GALNTL6: variants seen among roughly 807,000 people sequenced by gnomAD.
The protein encoded by GALNTL6 is polypeptide N-acetylgalactosaminyltransferase-like 6.
GALNTL6 carries 46 observed loss-of-function variants against 73.7 expected under a neutral mutation model. That is an observed-to-expected ratio of 0.62 (90% CI 0.49 to 0.80). The LOEUF is 0.80. Among genes scored for constraint, GALNTL6 ranks in the 30% least tolerant of loss-of-function variants. The probability of loss-of-function intolerance (pLI) is 0.00; values close to 1 mark genes in which losing one functional copy is unlikely to be tolerated. For missense variants in GALNTL6, 604 were observed against 755.0 expected (o/e 0.80, Z 2.34); for synonymous variants, 259 against 263.7 (o/e 0.98, Z 0.17).
At chr4:172,532,260 C>T (rs190551809) in intron 5 of GALNTL6, among the ~76,000 whole-genome samples, 1 of 152,206 alleles carries the variant, frequency 6.6e-6, no homozygotes, top group African/African-American at 2.4e-5. Flanking sequence ...GGACTGGTAT[C>T]CTTATAAGAA....
intron 10 of GALNTL6, among the ~76,000 whole-genome samples, chr4:172,963,786 C>G (rs1048990361): frequency 6.6e-6 from 1 of 152,224 alleles, no homozygotes; most frequent in African/African-American, 2.4e-5. Flanking sequence ...ACAGTCGGGT[C>G]TGTGGTCCAT....
chr4:172,173,405 C>T (rs1277654059), intron 2 of GALNTL6, among the ~76,000 whole-genome samples: 3 of 152,182 alleles, frequency 2.0e-5, no homozygotes, highest in African/African-American at 7.2e-5. Context: ...CTGTGGATTC[C>T]TCTGGGAAAA....
intron 10 of GALNTL6, among the ~76,000 whole-genome samples, chr4:173,002,395 A>C (rs4635797): frequency 0.58 from 88,316 of 151,816 alleles, 27,147 homozygotes; most frequent in South Asian, 0.76. Context: ...TCTCAAGAAA[A>C]AGTAAATAAA....
At chr4:172,693,493 T>C (rs929491504) in intron 5 of GALNTL6, among the ~76,000 whole-genome samples, 2 of 152,196 alleles carry the variant, frequency 1.3e-5, no homozygotes, top group African/African-American at 2.4e-5. Context: ...CATCAATATA[T>C]TCACAACATT....
chr4:172,846,162 T>A (rs1743495230), intron 7 of GALNTL6, among the ~76,000 whole-genome samples: 1 of 152,116 alleles, frequency 6.6e-6, no homozygotes, highest in South Asian at 2.1e-4. Context: ...GTTCCTGACA[T>A]CCCCAGTTGG....
At chr4:172,978,224 C>G (rs971785302) in intron 10 of GALNTL6, among the ~76,000 whole-genome samples, 2 of 152,126 alleles carry the variant, frequency 1.3e-5, no homozygotes, top group Non-Finnish European at 2.9e-5. Context: ...TATAGCTTTG[C>G]TTGAATGACT....
chr4:172,910,830 C>T (rs1470623735), intron 8 of GALNTL6, among the ~76,000 whole-genome samples: 1 of 152,064 alleles, frequency 6.6e-6, no homozygotes, highest in African/African-American at 2.4e-5. Context: ...TTCCTCACCC[C>T]TTACACCTCC....
intron 2 of GALNTL6, among the ~76,000 whole-genome samples, chr4:171,821,347 C>A (rs1263727866): frequency 6.6e-6 from 1 of 152,030 alleles, no homozygotes; most frequent in Non-Finnish European, 1.5e-5. Flanking sequence ...AGCCTTGTGC[C>A]CTTATTTCTG....
rs906652230 is a variant in GALNTL6 at position 172,377,890 on chromosome 4, G to A, written c.553+29201G>A. ...TCACGCTGGCCCGCGAGCGCTGCAC[G>A]CAGCACCAGATCCCCCCCCCCATGC... On this transcript the variant is annotated intron_variant, in intron 5 of 12. Coordinates refer to ENST00000506823, the MANE Select transcript of GALNTL6 (RefSeq NM_001034845.3). Among the ~76,000 whole-genome samples, 16 of 151,726 alleles carry A rather than the reference G, an allele frequency of 1.1e-4. No individual in the cohort carries two copies. In the East Asian group the frequency reaches 1.2e-3, roughly 11 times the overall value.
intron 5 of GALNTL6, among the ~76,000 whole-genome samples, chr4:172,552,839 A>T (rs1437850441): frequency 2.4e-4 from 18 of 75,678 alleles, no homozygotes; most frequent in African/African-American, 4.2e-4. Context: ...AATTGCAGTA[A>T]AAAAAAAAAA....
At chr4:173,028,366 C>T (rs984780891) in intron 12 of GALNTL6, among the ~76,000 whole-genome samples, 9 of 152,096 alleles carry the variant, frequency 5.9e-5, no homozygotes, top group East Asian at 1.9e-4. Context: ...TGAAAGGTCC[C>T]GAGAGATTCT....
chr4:171,944,158 G>T (rs1258497641), intron 2 of GALNTL6, among the ~76,000 whole-genome samples: 1 of 151,836 alleles, frequency 6.6e-6, no homozygotes, highest in African/African-American at 2.4e-5. Context: ...CTTTAATAAA[G>T]TATTTCTTAA....
At chr4:172,275,135 C>T (rs1303790770) in intron 3 of GALNTL6, among the ~76,000 whole-genome samples, 1 of 152,114 alleles carries the variant, frequency 6.6e-6, no homozygotes, top group African/African-American at 2.4e-5. Context: ...CCTTTTTTCT[C>T]TGCCTTTTGA....
chr4:172,285,001 G>A (rs1286244262), intron 3 of GALNTL6, among the ~76,000 whole-genome samples: 4 of 152,118 alleles, frequency 2.6e-5, no homozygotes, highest in South Asian at 4.1e-4. Context: ...TATTTTAATA[G>A]GGATTGCAGT....
chr4:172,822,991 C>G (rs1378815132), intron 7 of GALNTL6, among the ~76,000 whole-genome samples: 1 of 152,114 alleles, frequency 6.6e-6, no homozygotes, highest in Non-Finnish European at 1.5e-5. Context: ...ATGCCCCACT[C>G]TCTTCTTTCT....
intron 3 of GALNTL6, among the ~76,000 whole-genome samples, chr4:172,255,504 A>G (rs1738042799): frequency 1.3e-5 from 2 of 151,398 alleles, no homozygotes; most frequent in East Asian, 1.9e-4. Flanking sequence ...CCAATTAATA[A>G]CTAGTAACCT....
intron 7 of GALNTL6, among the ~76,000 whole-genome samples, chr4:172,831,126 C>T (rs1742606234): frequency 7.7e-6 from 1 of 130,316 alleles, no homozygotes; most frequent in African/African-American, 3.0e-5. Context: ...CCACTGCACT[C>T]CAGCCTGGGT....
intron 3 of GALNTL6, among the ~76,000 whole-genome samples, chr4:172,273,388 A>G (rs1247515452): frequency 6.6e-6 from 1 of 152,152 alleles, no homozygotes; most frequent in East Asian, 1.9e-4. Flanking sequence ...TTTTGTGTAA[A>G]TATGTATGCA....
chr4:172,446,953 T>A (rs1417828825), intron 5 of GALNTL6, among the ~76,000 whole-genome samples: 1 of 152,202 alleles, frequency 6.6e-6, no homozygotes. Context: ...AATATTGCTT[T>A]GTGTGAAGTG....
Sources: gnomAD v4.1 joint callset for allele counts (sites outside exome capture counted in the v4.1 genomes callset) on GRCh38, gnomAD v4.1.1 for gene constraint, MANE v1.5 for transcripts, NCBI Gene and HGNC (gene_info 2026-07-23, HGNC 2026-07-21) for gene names.